The following NSMCE2 variants were observed in gnomAD, a reference collection of about 807,000 sequenced individuals.
The protein encoded by NSMCE2 is NSE2 SUMO ligase component of SMC5/6 complex, also known as E3 SUMO-protein ligase NSE2.
In NSMCE2, 24 loss-of-function variants were observed where a neutral mutation model predicts 23.8. The ratio of observed to expected loss-of-function variants is 1.01; its 90% CI spans 0.73 to 1.42. The LOEUF (loss-of-function observed/expected upper bound fraction) is 1.42, where lower values mean the gene tolerates loss of function less well. NSMCE2 is among the 40% of genes most tolerant of loss of function. The pLI, the probability that NSMCE2 is intolerant of heterozygous loss-of-function variation, is 0.00. For missense variants in NSMCE2, 284 were observed against 296.5 expected (o/e 0.96, Z 0.31); for synonymous variants, 92 against 94.1 (o/e 0.98, Z 0.13).
At chr8:125,242,061 A>G (rs1825783567) in intron 5 of NSMCE2, among the ~76,000 whole-genome samples, 1 of 152,182 alleles carries the variant, frequency 6.6e-6, no homozygotes, top group Admixed American at 6.5e-5. Flanking sequence ...GTGATTGAGA[A>G]TCACTGTGTC....
intron 3 of NSMCE2, among the ~76,000 whole-genome samples, chr8:125,150,254 G>A (rs1244301475): frequency 6.6e-6 from 1 of 151,926 alleles, no homozygotes; most frequent in Non-Finnish European, 1.5e-5. Context: ...GCTTACTGTG[G>A]GATAGTATGT....
At chr8:125,093,970 AT>A (rs545614657) in intron 1 of NSMCE2, among the ~76,000 whole-genome samples, 3,237 of 144,344 alleles carry the variant, frequency 0.022, 60 homozygotes, top group Admixed American at 0.055. Context: ...GTAAGTTTAA[AT>A]TTTTTTTTTT....
chr8:125,163,464 C>T (rs1269335765), intron 4 of NSMCE2, among the ~76,000 whole-genome samples: 2 of 152,184 alleles, frequency 1.3e-5, no homozygotes, highest in African/African-American at 2.4e-5. Context: ...AATCCATGTT[C>T]TACCAGGCTG....
intron 5 of NSMCE2, among the ~76,000 whole-genome samples, chr8:125,333,505 CTTTTTTTTTTTTTT>C (rs71295847): frequency 1.5e-4 from 7 of 45,638 alleles, no homozygotes; most frequent in African/African-American, 3.8e-4. Flanking sequence ...CCTGGTGGTT[CTTTTTTTTTTTTTT>C]TTTTTTTTTT....
At chr8:125,096,559 AAAT>A (rs1002073457) in intron 1 of NSMCE2, among the ~76,000 whole-genome samples, 2 of 150,874 alleles carry the variant, frequency 1.3e-5, no homozygotes, top group African/African-American at 4.9e-5. Flanking sequence ...TTTTTGGAGA[AAAT>A]AACTGTCACT....
chr8:125,152,763 G>T (rs1428985721), intron 4 of NSMCE2, among the ~76,000 whole-genome samples: 1 of 151,992 alleles, frequency 6.6e-6, no homozygotes, highest in Non-Finnish European at 1.5e-5. Flanking sequence ...TTTACATCAA[G>T]AATTGAACTC....
At chr8:125,201,384 T>C (rs1034059538) in intron 5 of NSMCE2, among the ~76,000 whole-genome samples, 11 of 152,266 alleles carry the variant, frequency 7.2e-5, no homozygotes, top group African/African-American at 2.7e-4. Context: ...TTGATGTTGA[T>C]GCTATTCCTT....
intron 4 of NSMCE2, among the ~76,000 whole-genome samples, chr8:125,160,325 A>G (rs1294013428): frequency 1.3e-5 from 2 of 152,216 alleles, no homozygotes; most frequent in Non-Finnish European, 2.9e-5. Context: ...TCTGGACCAA[A>G]TTCAAATACT....
chr8:125,124,260 GTACTT>G (rs1819409883), intron 3 of NSMCE2: 1 of 152,068 alleles, frequency 6.6e-6, no homozygotes. Context: ...ATATTTCACT[GTACTT>G]CTGTTAAATT....
intron 5 of NSMCE2, among the ~76,000 whole-genome samples, chr8:125,341,934 C>T (rs1331011679): frequency 6.7e-6 from 1 of 149,402 alleles, no homozygotes; most frequent in Non-Finnish European, 1.5e-5. Flanking sequence ...CTGTCTCTGC[C>T]CATGGAGCTT....
intron 5 of NSMCE2, among the ~76,000 whole-genome samples, chr8:125,252,530 A>G (rs939523677): frequency 6.6e-6 from 1 of 152,220 alleles, no homozygotes; most frequent in Non-Finnish European, 1.5e-5. Context: ...TGTCTCAAAA[A>G]AAAGAGAAAA....
At chr8:125,191,308 A>C (rs1563708943) in intron 5 of NSMCE2, among the ~76,000 whole-genome samples, 1 of 152,210 alleles carries the variant, frequency 6.6e-6, no homozygotes. Context: ...GGTTTAGGTG[A>C]TACCACAGCC....
chr8:125,124,446 T>C (rs1344311084), intron 3 of NSMCE2, among the ~76,000 whole-genome samples: 2 of 151,944 alleles, frequency 1.3e-5, no homozygotes, highest in Non-Finnish European at 2.9e-5. Context: ...ATATTTTGAT[T>C]TTTTAAAGTG....
chr8:125,123,680 G>A (rs947975364), intron 3 of NSMCE2, among the ~76,000 whole-genome samples: 7 of 152,182 alleles, frequency 4.6e-5, no homozygotes, highest in African/African-American at 1.7e-4. Context: ...GTTATATGTA[G>A]AGCTATTAAG....
intron 5 of NSMCE2, among the ~76,000 whole-genome samples, chr8:125,298,085 A>AC (rs1828399442): frequency 6.6e-6 from 1 of 151,976 alleles, no homozygotes; most frequent in South Asian, 2.1e-4. Context: ...ACATGGTGAA[A>AC]CCCCGTCTCT....
At chr8:125,132,218 T>G (rs997663217) in intron 3 of NSMCE2, among the ~76,000 whole-genome samples, 1 of 151,780 alleles carries the variant, frequency 6.6e-6, no homozygotes, top group Non-Finnish European at 1.5e-5. Flanking sequence ...CCACCTCAGC[T>G]TCCTGAGTAG....
intron 3 of NSMCE2, among the ~76,000 whole-genome samples, chr8:125,125,159 G>A (rs572676640): frequency 2.0e-4 from 30 of 151,888 alleles, no homozygotes; most frequent in Admixed American, 1.8e-3. Context: ...CAATCTGGAT[G>A]CCCTTTATTT....
At chr8:125,216,777 A>G (rs1824606389) in intron 5 of NSMCE2, among the ~76,000 whole-genome samples, 1 of 152,142 alleles carries the variant, frequency 6.6e-6, no homozygotes, top group Non-Finnish European at 1.5e-5. Flanking sequence ...TTAGGTTTTA[A>G]TGTTCTTTTT....
At position 125,140,890 on chromosome 8, in the gene NSMCE2, C is replaced by A. The variant is rs541066441; in HGVS notation, c.158-10281C>A. 2.6e-5 allele frequency among the ~76,000 whole-genome samples: 4 copies of A among 152,184 alleles called. No homozygotes were observed. The South Asian group carries it at 6.2e-4, about 24-fold the overall frequency. ...TCTTGTGGCCTTAAATTCACAGTTT[C>A]TTTTCAGTCTACCAGAGATTAGATA... On this transcript the variant is annotated intron_variant, in intron 3 of 7. Coordinates refer to ENST00000287437, the MANE Select transcript of NSMCE2 (RefSeq NM_173685.4).
Sources: gnomAD v4.1 joint callset for allele counts (sites outside exome capture counted in the v4.1 genomes callset) on GRCh38, gnomAD v4.1.1 for gene constraint, MANE v1.5 for transcripts, NCBI Gene and HGNC (gene_info 2026-07-23, HGNC 2026-07-21) for gene names.